ARFGEF2: variants seen among roughly 807,000 people sequenced by gnomAD.
ARFGEF2 encodes the protein ARF guanine nucleotide exchange factor 2, also known as brefeldin A-inhibited guanine nucleotide-exchange protein 2.
ARFGEF2 carries 74 observed loss-of-function variants against 219.9 expected under a neutral mutation model. The ratio of observed to expected loss-of-function variants is 0.34; its 90% confidence interval spans 0.28 to 0.41. The LOEUF is 0.41. Among genes scored for constraint, ARFGEF2 ranks in the 10% least tolerant of loss-of-function variants. ARFGEF2 has a pLI of 1.00. For synonymous variants in ARFGEF2, 733 were observed against 799.2 expected, an observed-to-expected ratio of 0.92 and a Z score of 1.40; for missense variants, 1,743 against 2,218.3, an observed-to-expected ratio of 0.79 and a Z score of 4.30.
chr20:48,932,575 CAG>C (rs2090920016), intron 1 of ARFGEF2, among the ~76,000 whole-genome samples: 2 of 152,130 alleles, frequency 1.3e-5, no homozygotes, highest in South Asian at 4.1e-4. Flanking sequence ...GACTAAAGGT[CAG>C]AGAGAGTCCA....
intron 1 of ARFGEF2, among the ~76,000 whole-genome samples, chr20:48,926,867 C>T (rs1483913091): frequency 6.6e-6 from 1 of 152,166 alleles, no homozygotes; most frequent in African/African-American, 2.4e-5. Flanking sequence ...GGAAACGTAG[C>T]TGCAGCACAT....
intron 5 of ARFGEF2, 25 bp from the exon 6 acceptor site, chr20:48,953,531 G>A (rs770867529): frequency 1.2e-6 from 2 of 1,606,288 alleles, no homozygotes; most frequent in Admixed American, 1.7e-5. Flanking sequence ...CCAAAATGCT[G>A]TATCCCCCTT....
Position 49,025,499 on chromosome 20 carries a change from A to T in ARFGEF2, c.4924+18A>T, listed in dbSNP as rs780037956. ...GCGAGCAGGTAAGGCCACACAGCAG[A>T]TAAGATAGATGGCCACACTGGTCAC... On this transcript the variant is annotated intron_variant, in intron 36 of 38. Transcript: ENST00000371917. The T allele has an allele frequency of 3.1e-6, 5 of 1,613,582 alleles. No homozygotes were observed. In the Admixed American group the frequency reaches 8.3e-5, roughly 27 times the overall value.
At chr20:49,023,863 G>A (rs1021004832) in intron 35 of ARFGEF2, among the ~76,000 whole-genome samples, 5 of 152,174 alleles carry the variant, frequency 3.3e-5, no homozygotes, top group African/African-American at 9.6e-5. Flanking sequence ...TCACAAATAA[G>A]TGAGGAGGAA....
At chr20:49,005,737 C>CA (rs56730863) in intron 26 of ARFGEF2, among the ~76,000 whole-genome samples, 16,763 of 61,988 alleles carry the variant, frequency 0.27, 2,006 homozygotes, top group East Asian at 0.45. Context: ...GACTCCGTCT[C>CA]AAAAAAAAAA....
intron 25 of ARFGEF2, among the ~76,000 whole-genome samples, chr20:49,004,085 C>T (rs555669826): frequency 3.9e-5 from 6 of 152,158 alleles, no homozygotes; most frequent in African/African-American, 9.6e-5. Context: ...GAGTTCTCTG[C>T]CGGGCGTGGT....
chr20:48,971,455 T>C (rs1021852183), intron 10 of ARFGEF2, 101 bp downstream of exon 10: 2 of 1,009,508 alleles, frequency 2.0e-6, no homozygotes, highest in African/African-American at 3.3e-5. Context: ...ACACTAAGCA[T>C]TAGGAAAATG....
intron 7 of ARFGEF2, among the ~76,000 whole-genome samples, chr20:48,964,640 G>A (rs1313769566): frequency 2.0e-5 from 3 of 152,192 alleles, no homozygotes; most frequent in African/African-American, 7.2e-5. Flanking sequence ...GTTTTGTTAG[G>A]CTTCATTCAT....
chr20:49,010,390 C>G lies in ARFGEF2; in HGVS notation c.3743C>G (p.Thr1248Ser), dbSNP rs1045535421. ...GNIVELAFQT[T>S]CHIVTTIFQH... ...ATTGTGGAGCTGGCCTTCCAGACCA[C>G]TTGCCACATTGTCAGTAAGTGGCTC... is the stretch of plus-strand genomic sequence containing the variant. Residue 1248 changes from threonine to serine, a missense_variant, in exon 27 of 39, where the codon ACT becomes AGT. Physicochemically the swap from Thr to Ser is moderately conservative, Grantham distance 58. This residue lies in a region of ARFGEF2 where 578 missense variants were observed against 664.0 expected (regional missense o/e 0.87). Coordinates refer to ENST00000371917, the MANE Select transcript of ARFGEF2 (RefSeq NM_006420.3). 1.9e-6 allele frequency: 3 copies of G among 1,613,904 alleles called. No individual in the cohort carries two copies. The African/African-American group carries it at 4.0e-5, about 22-fold the overall frequency.
chr20:49,012,675 G>A (rs1402933588), intron 28 of ARFGEF2, among the ~76,000 whole-genome samples: 4 of 152,146 alleles, frequency 2.6e-5, no homozygotes, highest in Non-Finnish European at 4.4e-5. Flanking sequence ...CCTGTAAGGT[G>A]ATATGTCTCA....
At chr20:48,986,721 A>G (rs1332436594) in intron 16 of ARFGEF2, among the ~76,000 whole-genome samples, 1 of 151,804 alleles carries the variant, frequency 6.6e-6, no homozygotes, top group African/African-American at 2.4e-5. Flanking sequence ...TTTTTTTGAG[A>G]CAGGGTCTTG....
At chr20:48,980,622 T>C (rs1029414521) in intron 14 of ARFGEF2, among the ~76,000 whole-genome samples, 2 of 152,198 alleles carry the variant, frequency 1.3e-5, no homozygotes, top group African/African-American at 4.8e-5. Flanking sequence ...AGTCTAAGTC[T>C]CTTTGTAGGT....
At chr20:49,002,918 T>C (rs888869319) in intron 25 of ARFGEF2, among the ~76,000 whole-genome samples, 7 of 151,874 alleles carry the variant, frequency 4.6e-5, no homozygotes, top group Admixed American at 1.3e-4. Context: ...AGTGCTGGGA[T>C]TACAGGCGTG....
In ARFGEF2 at chr20:48,978,447, A is replaced by G. The variant is rs2091275867; in HGVS notation, c.1958+2248A>G. ...CTTTTTGCTTAGGATTGTCTTGGCAATGTGCGCTCTTTTTCGGTTCCATAT... is the reference window on the plus strand; with the variant it reads ...CTTTTTGCTTAGGATTGTCTTGGCAGTGTGCGCTCTTTTTCGGTTCCATAT... On this transcript the variant is annotated intron_variant, in intron 14 of 38. Transcript: ENST00000371917. 1.3e-5 allele frequency among the ~76,000 whole-genome samples: 2 copies of G among 152,144 alleles called. 1 individual carries two copies. Among genetic ancestry groups the G allele is most frequent in the South Asian group, 4.1e-4 (2 of 4,828 alleles).
chr20:49,030,192 A>C (rs1428339105), intron 37 of ARFGEF2, among the ~76,000 whole-genome samples: 13 of 152,164 alleles, frequency 8.5e-5, no homozygotes, highest in Admixed American at 8.5e-4. Flanking sequence ...GGCGTGAGCC[A>C]CTGCGCCCGG....
At chr20:48,975,858 G>A (rs1443646654) in intron 13 of ARFGEF2, among the ~76,000 whole-genome samples, 158 bp from the exon 14 acceptor site, 1 of 150,878 alleles carries the variant, frequency 6.6e-6, no homozygotes, top group Non-Finnish European at 1.5e-5. Context: ...TTTAAGTAAA[G>A]TATCTGAATG....
chr20:48,976,281 G>A, intron 14 of ARFGEF2, 82 bp downstream of exon 14: 2 of 1,540,714 alleles, frequency 1.3e-6, no homozygotes, highest in South Asian at 1.2e-5. Flanking sequence ...TCCTAAAAAG[G>A]AAATGCCTGT....
chr20:48,988,515 C>T lies in ARFGEF2; in HGVS notation c.2386C>T (p.Gln796Ter). 1.2e-6 allele frequency: 2 copies of T among 1,612,840 alleles called. No individual in the cohort carries two copies. Among genetic ancestry groups the T allele is most frequent in the Non-Finnish European group, 1.7e-6 (2 of 1,179,362 alleles). ...GGTAAAAAATAAAATGACGAAAGAG[C>T]AGTATATTAAAATGAATCGGGGTAT... Reference protein sequence around the residue: ...PQVKNKMTKEQYIKMNRGIND... With the variant: ...PQVKNKMTKE Residue 796 changes from glutamine (Q) to a stop codon, truncating the protein, a stop_gained, in exon 18 of 39, where the codon CAG becomes TAG. Transcript: ENST00000371917. LOFTEE classifies it high-confidence loss of function.
chr20:48,956,464 G>A lies in ARFGEF2; in HGVS notation c.838+2674G>A, dbSNP rs117618189. 6.0e-4 allele frequency among the ~76,000 whole-genome samples: 91 copies of A among 152,326 alleles called. No homozygotes were observed. In the East Asian group the frequency reaches 0.013, roughly 22 times the overall value. ...CACTTGAGGCCAGGAGTTAAAGTTT[G>A]TTTTTAGGATTCTGACTTTTAACTC... On this transcript the variant is annotated intron_variant, in intron 6 of 38. Transcript: ENST00000371917.
Sources: allele counts gnomAD v4.1 joint callset (sites outside exome capture counted in the v4.1 genomes callset), GRCh38; gene constraint gnomAD v4.1.1; regional missense constraint gnomAD v4.1.1; transcripts MANE v1.5; gene names NCBI Gene and HGNC (gene_info 2026-07-23, HGNC 2026-07-21).